Variants in CCDC12 observed in about 807,000 individuals in gnomAD.
CCDC12 encodes coiled-coil domain-containing protein 12.
CCDC12 carries 28 observed loss-of-function variants against 25.7 expected under a neutral mutation model. The ratio of observed to expected loss-of-function variants is 1.09; its 90% CI spans 0.81 to 1.50. The LOEUF is 1.50. CCDC12 is among the 40% of genes most tolerant of loss of function. CCDC12 has a pLI of 0.00. For synonymous variants in CCDC12, 75 were observed against 87.7 expected, an observed-to-expected ratio of 0.86 and a Z score of 0.81; for missense variants, 198 against 210.0, an observed-to-expected ratio of 0.94 and a Z score of 0.35.
intron 1 of CCDC12, among the ~76,000 whole-genome samples, chr3:46,973,059 A>T (rs1425312293): frequency 2.2e-5 from 3 of 137,022 alleles, no homozygotes; most frequent in East Asian, 2.0e-4. Context: ...ACCCGAATTT[A>T]AAAAAAAAAA....
chr3:46,950,315 A>ATTT (rs34752047), intron 1 of CCDC12, among the ~76,000 whole-genome samples: 1 of 151,874 alleles, frequency 6.6e-6, no homozygotes, highest in African/African-American at 2.4e-5. Flanking sequence ...CTACATTTGC[A>ATTT]TTTTTTTGAG....
chr3:46,947,394 GGGTGCTGCCGTGGT>G (rs1191098743), intron 1 of CCDC12, among the ~76,000 whole-genome samples: 1 of 152,220 alleles, frequency 6.6e-6, no homozygotes, highest in Non-Finnish European at 1.5e-5. Flanking sequence ...ACTTCCTGTC[GGGTGCTGCCGTGGT>G]GGGAGCTGTG....
chr3:46,940,925 G>A lies in CCDC12; in HGVS notation c.164+73C>T, dbSNP rs933015954. 3.5e-6 allele frequency: 5 copies of A among 1,432,814 alleles called. No individual in the cohort carries two copies. The African/African-American group carries it at 4.2e-5, about 12-fold the overall frequency. 88.8% of individuals were successfully genotyped at this position (1,432,814 alleles called of 1,614,324 possible). A position where few individuals can be genotyped will look rare whatever the true frequency, so the allele number is the denominator to read the frequency against. On this transcript the variant is annotated intron_variant, in intron 2 of 6. Transcript: ENST00000683445. ...CAGGGCAGACACTGAACAGAGTTGG[G>A]AGGACCCAGAGACTGGGAGACCGAT... is the stretch of plus-strand genomic sequence containing the variant.
chr3:46,933,034 C>T (rs1362036320), intron 2 of CCDC12, among the ~76,000 whole-genome samples: 1 of 152,270 alleles, frequency 6.6e-6, no homozygotes, highest in African/African-American at 2.4e-5. Context: ...GGACCAGCAA[C>T]TGCAGTAGAG....
At chr3:46,969,300 A>G (rs2034729628) in intron 1 of CCDC12, among the ~76,000 whole-genome samples, 1 of 152,068 alleles carries the variant, frequency 6.6e-6, no homozygotes, top group Admixed American at 6.6e-5. Flanking sequence ...CACTCTCTGC[A>G]CTGTGCATTT....
chr3:46,951,725 A>G (rs1233545454), intron 1 of CCDC12, among the ~76,000 whole-genome samples: 2 of 137,718 alleles, frequency 1.5e-5, no homozygotes, highest in African/African-American at 5.4e-5. Context: ...GCTTGCAGTG[A>G]GCCAAGATTG....
chr3:46,940,401 G>A (rs1228616578), intron 2 of CCDC12, among the ~76,000 whole-genome samples: 1 of 152,200 alleles, frequency 6.6e-6, no homozygotes, highest in African/African-American at 2.4e-5. Context: ...GACAAAATAA[G>A]ATAAATACTA....
chr3:46,928,066 G>A (rs1277995881), intron 2 of CCDC12, among the ~76,000 whole-genome samples: 4 of 152,088 alleles, frequency 2.6e-5, no homozygotes, highest in Non-Finnish European at 5.9e-5. Flanking sequence ...CTGGCCAACA[G>A]GGCGAAACCC....
rs73831415 is a variant in CCDC12, at chr3:46,939,377, G to A, written c.164+1621C>T. ...CGAGGAGGGGGAGGGGTGGGGATCA[G>A]AGAAAACACCACCAGCAAATCAAAG... On this transcript the variant is annotated intron_variant, in intron 2 of 6. Transcript: ENST00000683445. 2.0e-3 allele frequency among the ~76,000 whole-genome samples: 310 copies of A among 152,138 alleles called. 3 individuals carry two copies. Among genetic ancestry groups the A allele is most frequent in the African/African-American group, 7.2e-3 (298 of 41,486 alleles).
At chr3:46,961,087 TAAGG>T (rs1374357454) in intron 1 of CCDC12, among the ~76,000 whole-genome samples, 1 of 151,214 alleles carries the variant, frequency 6.6e-6, no homozygotes, top group Non-Finnish European at 1.5e-5. Flanking sequence ...GTTGTGAGGT[TAAGG>T]GAGTGTAAGG....
chr3:46,961,471 T>C (rs1261008437), intron 1 of CCDC12, among the ~76,000 whole-genome samples: 1 of 152,156 alleles, frequency 6.6e-6, no homozygotes, highest in Non-Finnish European at 1.5e-5. Context: ...AGAGTCTGGC[T>C]AGCAGGTCAG....
At chr3:46,973,174 G>A (rs1024112010) in intron 1 of CCDC12, among the ~76,000 whole-genome samples, 4 of 139,324 alleles carry the variant, frequency 2.9e-5, no homozygotes, top group East Asian at 2.1e-4. Context: ...GACCAACATG[G>A]TGACACCCTG....
intron 1 of CCDC12, 80 bp downstream of exon 1, chr3:46,976,557 A>G (rs553661943): frequency 4.7e-5 from 71 of 1,524,680 alleles, no homozygotes; most frequent in East Asian, 9.9e-5. Flanking sequence ...TTTCCTTATT[A>G]GCCCTTTGCT....
chr3:46,940,982 T>C lies in CCDC12; in HGVS notation c.164+16A>G. ...TGGAGGAGAGAGCAGACCCTGGAGC[T>C]GCACACGGGCATTACCTGTGCTTCT... On this transcript the variant is annotated intron_variant, in intron 2 of 6. Coordinates refer to ENST00000683445, the MANE Select transcript of CCDC12 (RefSeq NM_001277074.2). The C allele has an allele frequency of 6.2e-7, 1 of 1,613,420 alleles. No individual in the cohort carries two copies. The highest frequency in any genetic ancestry group is 1.3e-5 in the African/African-American group (1 of 75,056).
chr3:46,921,884 G>C lies in CCDC12; in HGVS notation c.*173C>G. On this transcript the variant is annotated 3_prime_UTR_variant, in exon 7 of 7. Transcript: ENST00000683445. ...TCTGCCTCCATTCAGAATGGCAGGGGCCACCCAGCAGACAAGGAGCTGACC... is the reference window on the plus strand; with the variant it reads ...TCTGCCTCCATTCAGAATGGCAGGGCCCACCCAGCAGACAAGGAGCTGACC... The C allele has an allele frequency of 1.5e-6, 1 of 658,232 alleles. No individual in the cohort carries two copies. The highest frequency in any genetic ancestry group is 2.7e-5 in the East Asian group (1 of 36,596). The allele number at this position is 658,232 out of a possible 1,614,324, so 40.8% of individuals were successfully genotyped here.
At chr3:46,951,798 A>AAAAAAAAAAAATATATATATATATAT in intron 1 of CCDC12, among the ~76,000 whole-genome samples, 1 of 8,468 alleles carries the variant, frequency 1.2e-4, no homozygotes, top group Non-Finnish European at 2.8e-4. Context: ...AAAAAAAAAA[A>AAAAAAAAAAAATATATATATATATAT]ATATATATAT....
chr3:46,950,938 G>A (rs921415490), intron 1 of CCDC12, among the ~76,000 whole-genome samples: 1 of 152,080 alleles, frequency 6.6e-6, no homozygotes, highest in Non-Finnish European at 1.5e-5. Flanking sequence ...ACTTATATGT[G>A]GAATCTAAAA....
In CCDC12 at chr3:46,921,987, C is replaced by G; in HGVS notation, c.*70G>C. The stretch of plus-strand genomic sequence containing the variant: ...AAACTGGAGGTGATGGCAAGCCTAG[C>G]CCCCATCCCTGCCCAAGACCATCCT... On this transcript the variant is annotated 3_prime_UTR_variant, in exon 7 of 7. Coordinates refer to ENST00000683445, the MANE Select transcript of CCDC12 (RefSeq NM_001277074.2). 5.2e-6 allele frequency: 8 copies of G among 1,534,604 alleles called. No homozygotes were observed. Among genetic ancestry groups the G allele is most frequent in the South Asian group, 1.1e-5 (1 of 87,840 alleles).
chr3:46,976,434 G>A (rs1000347731), intron 1 of CCDC12: 16 of 1,414,324 alleles, frequency 1.1e-5, no homozygotes, highest in Middle Eastern at 2.6e-4. Context: ...CATGCGCGAC[G>A]ACCGCACCAG....
Sources: gnomAD v4.1 joint callset for allele counts (sites outside exome capture counted in the v4.1 genomes callset) on GRCh38, gnomAD v4.1.1 for gene constraint, MANE v1.5 for transcripts, NCBI Gene and HGNC (gene_info 2026-07-23, HGNC 2026-07-21) for gene names.